CDH4: variants seen among roughly 807,000 people sequenced by gnomAD.
CDH4 encodes the protein cadherin 4.
Under a neutral mutation model 86.0 loss-of-function variants are expected in CDH4, and 33 were observed. The ratio of observed to expected loss-of-function variants is 0.38; its 90% confidence interval spans 0.29 to 0.51. The LOEUF is 0.51. Ranked by LOEUF, CDH4 falls within the 20% of genes least tolerant of loss-of-function variation. The pLI is 0.86. For synonymous variants in CDH4, 555 were observed against 549.4 expected (o/e 1.01, Z -0.14); for missense variants, 1,114 against 1,307.4 (o/e 0.85, Z 2.28).
chr20:61,749,159 T>C (rs889789644), intron 3 of CDH4, among the ~76,000 whole-genome samples: 1 of 152,178 alleles, frequency 6.6e-6, no homozygotes, highest in African/African-American at 2.4e-5. Context: ...TGATAAATAA[T>C]TCACCAAGAA....
At chr20:61,378,683 A>G (rs1423560357) in intron 2 of CDH4, among the ~76,000 whole-genome samples, 7 of 152,216 alleles carry the variant, frequency 4.6e-5, no homozygotes, top group Admixed American at 3.3e-4. Context: ...CCATTTCTCC[A>G]AGTAAAATGA....
At chr20:61,420,898 C>T (rs996289265) in intron 2 of CDH4, among the ~76,000 whole-genome samples, 33 of 152,020 alleles carry the variant, frequency 2.2e-4, no homozygotes, top group Admixed American at 9.8e-4. Flanking sequence ...GCATGTCCCA[C>T]GGGGGACGAT....
At chr20:61,445,750 G>A (rs905310604) in intron 2 of CDH4, among the ~76,000 whole-genome samples, 1 of 152,244 alleles carries the variant, frequency 6.6e-6, no homozygotes, top group Admixed American at 6.5e-5. Flanking sequence ...CCATGTTGCA[G>A]CATTAAAGGT....
At chr20:61,380,144 T>C (rs1436443862) in intron 2 of CDH4, among the ~76,000 whole-genome samples, 1 of 152,190 alleles carries the variant, frequency 6.6e-6, no homozygotes, top group Non-Finnish European at 1.5e-5. Flanking sequence ...TCATCAGACA[T>C]TTAGGGGGAG....
At chr20:61,698,162 C>T (rs899995360) in intron 2 of CDH4, among the ~76,000 whole-genome samples, 1 of 152,226 alleles carries the variant, frequency 6.6e-6, no homozygotes, top group Admixed American at 6.5e-5. Context: ...TCCCCTTGCA[C>T]GGGCTCCACT....
chr20:61,367,151 C>G (rs2084815132), intron 2 of CDH4, among the ~76,000 whole-genome samples: 1 of 152,188 alleles, frequency 6.6e-6, no homozygotes, highest in African/African-American at 2.4e-5. Flanking sequence ...TGTGCCAAAG[C>G]AGCCACCAGA....
Position 61,501,777 on chromosome 20 carries a change from C to A in CDH4, c.170-241786C>A, listed in dbSNP as rs2085703083. On this transcript the variant is annotated intron_variant, in intron 2 of 15. Coordinates refer to ENST00000614565, the MANE Select transcript of CDH4 (RefSeq NM_001794.5). The surrounding 1 kb of genome is among the most constrained non-coding windows in gnomAD (Gnocchi z 4.2). The stretch of plus-strand genomic sequence containing the variant: ...AGGGAGCCACTCATTATGGGACGGA[C>A]CACCAGACGCGACTAATGAAACTTT... 6.6e-6 allele frequency among the ~76,000 whole-genome samples: 1 copy of A among 152,160 alleles called. No homozygotes were observed. The highest frequency in any genetic ancestry group is 6.5e-5 in the Admixed American group (1 of 15,282).
chr20:61,798,834 G>A (rs746146980), intron 4 of CDH4, among the ~76,000 whole-genome samples: 57 of 152,286 alleles, frequency 3.7e-4, no homozygotes, highest in Middle Eastern at 6.8e-3. Flanking sequence ...GCCAGGACAC[G>A]GCGCTGGTCC....
intron 2 of CDH4, among the ~76,000 whole-genome samples, chr20:61,361,598 G>A (rs539804659): frequency 1.3e-5 from 2 of 152,264 alleles, no homozygotes; most frequent in South Asian, 2.1e-4. Context: ...TTTGGTTTCC[G>A]ACAGTCGTGC....
chr20:61,716,902 T>C (rs1252040698), intron 2 of CDH4, among the ~76,000 whole-genome samples: 1 of 152,140 alleles, frequency 6.6e-6, no homozygotes, highest in African/African-American at 2.4e-5. Context: ...AGTGAGCCTC[T>C]ATCTCAAAAA....
At position 61,936,758 on chromosome 20, in the gene CDH4, G is replaced by A. The variant is rs150729924; in HGVS notation, c.2566G>A (p.Asp856Asn). The change falls in exon 16 of 16, where the codon GAC becomes AAC. Residue 856 changes from aspartate to asparagine, a missense_variant. Physicochemically the swap from Asp to Asn is conservative, Grantham distance 23. Around this residue, in one of 3 missense-constraint regions of CDH4, gnomAD observed 188 missense variants for 183.8 expected, o/e 1.02. Transcript: ENST00000614565. Reference sequence around the variant, plus strand: ...CCAGGGACTCCGCGCTGCTGACAACGACCCCACGGCACCCCCCTATGACTC... The same window carrying A: ...CCAGGGACTCCGCGCTGCTGACAACAACCCCACGGCACCCCCCTATGACTC... Reference protein sequence around the residue: ...INEGLRAADNDPTAPPYDSLL... With the variant: ...INEGLRAADNNPTAPPYDSLL... 1.3e-5 allele frequency: 21 copies of A among 1,602,930 alleles called. No individual in the cohort carries two copies. The highest frequency in any genetic ancestry group is 5.6e-5 in the South Asian group (5 of 89,578).
At chr20:61,498,166 C>T (rs961974982) in intron 2 of CDH4, among the ~76,000 whole-genome samples, 22 of 151,910 alleles carry the variant, frequency 1.4e-4, no homozygotes, top group African/African-American at 5.1e-4. Flanking sequence ...TGTAACTAAC[C>T]TGCACGTTGT....
Position 61,283,412 on chromosome 20 carries a change from G to A in CDH4, c.169+28475G>A, listed in dbSNP as rs1038542959. On this transcript the variant is annotated intron_variant, in intron 2 of 15. Transcript: ENST00000614565. Reference sequence around the variant, plus strand: ...ACGCGTGTGCTGTGGCGTGTGTGATGTGTGTGCGTTTGCACGCGTGTGCTG... The same window carrying A: ...ACGCGTGTGCTGTGGCGTGTGTGATATGTGTGCGTTTGCACGCGTGTGCTG... Among the ~76,000 whole-genome samples the A allele has an allele frequency of 2.1e-5, 3 of 141,054 alleles. 1 individual carries two copies. The highest frequency in any genetic ancestry group is 7.8e-5 in the African/African-American group (3 of 38,632). The allele number at this position is 141,054 out of a possible 152,430, so 92.5% of individuals were successfully genotyped here. A position where few individuals can be genotyped will look rare whatever the true frequency, so the allele number is the denominator to read the frequency against.
chr20:61,773,077 G>C lies in CDH4; in HGVS notation c.471G>C (p.Gln157His). The C allele has an allele frequency of 6.2e-7, 1 of 1,613,630 alleles. No individual in the cohort carries two copies. Among genetic ancestry groups the C allele is most frequent in the African/African-American group, 1.3e-5 (1 of 75,048 alleles). ...PPKDTLLPWPQHQNANGLRRR... is the reference protein window; with the variant it reads ...PPKDTLLPWPHHQNANGLRRR... Reference sequence around the variant, plus strand: ...AGGACACCCTGCTGCCGTGGCCCCAGCACCAGAACGCCAACGGGCTGAGGC... The same window carrying C: ...AGGACACCCTGCTGCCGTGGCCCCACCACCAGAACGCCAACGGGCTGAGGC... Residue 157 changes from glutamine to histidine, a missense_variant, in exon 4 of 16, where the codon CAG becomes CAC. Gln to His is a conservative substitution (Grantham distance 24, BLOSUM62 0). This residue lies in a region of CDH4 where 221 missense variants were observed against 209.5 expected (regional missense o/e 1.05). Transcript: ENST00000614565.
intron 2 of CDH4, among the ~76,000 whole-genome samples, chr20:61,391,616 C>G (rs2084986550): frequency 6.6e-6 from 1 of 152,182 alleles, no homozygotes; most frequent in Non-Finnish European, 1.5e-5. Context: ...GGGATGTTTC[C>G]TGGTTGCAGC....
Position 61,789,709 on chromosome 20 carries a change from G to A in CDH4, c.576+16527G>A, listed in dbSNP as rs529666658. Among the ~76,000 whole-genome samples, 481 of 152,346 alleles carry A rather than the reference G, an allele frequency of 3.2e-3. 3 individuals are homozygous for A. Among genetic ancestry groups the A allele is most frequent in the South Asian group, 0.018 (89 of 4,822 alleles). ...CCTCAGCCCAGCAAACCGACATGCA[G>A]GCCCAGAGTTAGGCAGGGGCTGCAA... On this transcript the variant is annotated intron_variant, in intron 4 of 15. Transcript: ENST00000614565.
chr20:61,277,656 TTCGGGC>T (rs1161979336), intron 2 of CDH4, among the ~76,000 whole-genome samples: 1 of 152,234 alleles, frequency 6.6e-6, no homozygotes, highest in Non-Finnish European at 1.5e-5. Flanking sequence ...CACCTGTGTA[TTCGGGC>T]TTGCTCGGTT....
chr20:61,473,275 T>G (rs1320605972), intron 2 of CDH4, among the ~76,000 whole-genome samples: 1 of 152,224 alleles, frequency 6.6e-6, no homozygotes, highest in Non-Finnish European at 1.5e-5. Context: ...TAATATGATG[T>G]ATTAATTACA....
chr20:61,428,916 T>C (rs1254435474), intron 2 of CDH4, among the ~76,000 whole-genome samples: 1 of 152,194 alleles, frequency 6.6e-6, no homozygotes, highest in Non-Finnish European at 1.5e-5. Flanking sequence ...ATTTCTCCCA[T>C]GTTCACAGTG....
Sources: gnomAD v4.1 joint callset for allele counts (sites outside exome capture counted in the v4.1 genomes callset) on GRCh38, gnomAD v4.1.1 for gene constraint, gnomAD v4.1.1 regional missense constraint, Gnocchi (gnomAD v3.1) non-coding constraint, MANE v1.5 for transcripts, NCBI Gene and HGNC (gene_info 2026-07-23, HGNC 2026-07-21) for gene names.